The following PAX5 variants were observed in gnomAD, a reference collection of about 807,000 sequenced individuals.
PAX5 encodes the protein paired box 5.
PAX5 carries 9 observed loss-of-function variants against 43.7 expected under a neutral mutation model. The observed-to-expected ratio is 0.21, with a 90% CI of 0.12 to 0.36. The LOEUF (loss-of-function observed/expected upper bound fraction) is 0.36. PAX5 is among the 10% of genes least tolerant of loss of function. The pLI is 1.00. For synonymous variants in PAX5, 228 were observed against 214.3 expected (o/e 1.06, Z -0.56); for missense variants, 383 against 532.7 (o/e 0.72, Z 2.77).
At chr9:36,871,710 G>C (rs1409792939) in intron 8 of PAX5, among the ~76,000 whole-genome samples, 2 of 152,208 alleles carry the variant, frequency 1.3e-5, no homozygotes, top group Admixed American at 1.3e-4. Flanking sequence ...GGTGCAGTTG[G>C]ATCTGGGGCC....
At chr9:36,921,024 G>A (rs995013537) in intron 7 of PAX5, among the ~76,000 whole-genome samples, 2 of 152,090 alleles carry the variant, frequency 1.3e-5, no homozygotes, top group Non-Finnish European at 2.9e-5. Flanking sequence ...TGTTGGCCGG[G>A]CTGGTCTAGA....
intron 8 of PAX5, among the ~76,000 whole-genome samples, chr9:36,854,637 C>T (rs1823480731): frequency 6.6e-6 from 1 of 152,176 alleles, no homozygotes; most frequent in African/African-American, 2.4e-5. Flanking sequence ...CCCTCGCAGG[C>T]CAAGGCTTCT....
At chr9:36,898,256 C>A (rs904098059) in intron 7 of PAX5, among the ~76,000 whole-genome samples, 8 of 152,238 alleles carry the variant, frequency 5.3e-5, no homozygotes, top group African/African-American at 1.9e-4. Context: ...CCAGTGCTTG[C>A]CAGCCCAGCC....
chr9:37,005,104 T>C (rs1838277807), intron 4 of PAX5, among the ~76,000 whole-genome samples: 2 of 152,348 alleles, frequency 1.3e-5, no homozygotes, highest in South Asian at 4.1e-4. Flanking sequence ...CTGAAATAGT[T>C]GGTCAGCTAC....
At chr9:36,913,806 G>A (rs1031949670) in intron 7 of PAX5, among the ~76,000 whole-genome samples, 1 of 152,226 alleles carries the variant, frequency 6.6e-6, no homozygotes, top group Non-Finnish European at 1.5e-5. Flanking sequence ...CCTGGGCCGG[G>A]CTCACCATCC....
At chr9:37,028,074 C>T (rs1840614962) in intron 1 of PAX5, among the ~76,000 whole-genome samples, 1 of 152,198 alleles carries the variant, frequency 6.6e-6, no homozygotes, top group Admixed American at 6.5e-5. Flanking sequence ...GGCTTGAGAG[C>T]AGTCGATTGA....
intron 5 of PAX5, among the ~76,000 whole-genome samples, chr9:36,993,540 C>A (rs1837105834): frequency 6.6e-6 from 1 of 152,090 alleles, no homozygotes; most frequent in Admixed American, 6.5e-5. Flanking sequence ...AAACTGAGGC[C>A]CAGACAGAGA....
intron 6 of PAX5, among the ~76,000 whole-genome samples, chr9:36,943,732 C>A (rs1027168335): frequency 1.3e-5 from 2 of 152,042 alleles, no homozygotes; most frequent in African/African-American, 2.4e-5. Flanking sequence ...GAACCTACAC[C>A]TATAAGCCAT....
intron 2 of PAX5, among the ~76,000 whole-genome samples, chr9:37,017,390 G>C (rs543728095): frequency 6.6e-6 from 1 of 152,272 alleles, no homozygotes; most frequent in East Asian, 1.9e-4. Flanking sequence ...TGCTCTTCCC[G>C]CTACAGCAAG....
chr9:36,895,782 C>T (rs1827810944), intron 7 of PAX5, among the ~76,000 whole-genome samples: 1 of 152,226 alleles, frequency 6.6e-6, no homozygotes, highest in Non-Finnish European at 1.5e-5. Flanking sequence ...CCCTAGCAGT[C>T]TGTGCTCTTA....
chr9:36,861,730 TGGGGAGAGGGGAGAGAAGGCCAGGGA>T (rs1401954380), intron 8 of PAX5, among the ~76,000 whole-genome samples: 3 of 149,478 alleles, frequency 2.0e-5, no homozygotes, highest in Non-Finnish European at 4.4e-5. Context: ...GAAGCCAGGG[TGGGGAGAGGGGAGAGAAGGCCAGGGA>T]GGGAAGTGGG....
intron 8 of PAX5, among the ~76,000 whole-genome samples, chr9:36,878,645 C>G (rs1563923488): frequency 6.6e-6 from 1 of 152,184 alleles, no homozygotes; most frequent in Non-Finnish European, 1.5e-5. Flanking sequence ...TTGAGGCCAA[C>G]CACGGTGAGG....
intron 5 of PAX5, among the ~76,000 whole-genome samples, chr9:36,970,014 A>G (rs1834801500): frequency 6.6e-6 from 1 of 152,238 alleles, no homozygotes; most frequent in East Asian, 1.9e-4. Flanking sequence ...AAGTAAATAT[A>G]TTTTAAAAAT....
At chr9:36,936,161 A>G (rs1831537508) in intron 6 of PAX5, among the ~76,000 whole-genome samples, 1 of 152,248 alleles carries the variant, frequency 6.6e-6, no homozygotes, top group Admixed American at 6.5e-5. Flanking sequence ...TTATCCTGAC[A>G]AGGCTTAGAG....
At chr9:37,027,890 G>C (rs1261627701) in intron 1 of PAX5, among the ~76,000 whole-genome samples, 3 of 152,258 alleles carry the variant, frequency 2.0e-5, no homozygotes, top group African/African-American at 7.2e-5. Flanking sequence ...AGAATGGGGG[G>C]CGGGGCCCAG....
chr9:37,022,298 C>T (rs1008421481), intron 1 of PAX5, among the ~76,000 whole-genome samples: 6 of 152,120 alleles, frequency 3.9e-5, no homozygotes, highest in Non-Finnish European at 8.8e-5. Context: ...AAAACCATTC[C>T]AAATAGGATT....
chr9:37,001,207 C>T (rs562678614), intron 5 of PAX5, among the ~76,000 whole-genome samples: 3 of 152,326 alleles, frequency 2.0e-5, no homozygotes, highest in South Asian at 2.1e-4. Flanking sequence ...GTAAATAATG[C>T]CCCCAGGCCA....
At chr9:36,875,708 T>C (rs1362036053) in intron 8 of PAX5, among the ~76,000 whole-genome samples, 8 of 152,020 alleles carry the variant, frequency 5.3e-5, no homozygotes, top group African/African-American at 1.9e-4. Flanking sequence ...CAGAGCTCTC[T>C]AAGTGAATGG....
In PAX5 at chr9:36,941,500, C is replaced by T. The variant is rs189439807; in HGVS notation, c.781-18016G>A. Among the ~76,000 whole-genome samples the T allele has an allele frequency of 1.2e-4, 19 of 152,250 alleles. No individual in the cohort carries two copies. The East Asian group carries it at 3.3e-3, about 26-fold the overall frequency. On this transcript the variant is annotated intron_variant, in intron 6 of 9. Coordinates refer to ENST00000358127, the MANE Select transcript of PAX5 (RefSeq NM_016734.3). ...GCCGGGCGTGAATCTCCTGTCCTGGCTCCAGCTCATGCCCTGGAGGTCAAG... is the reference window on the plus strand; with the variant it reads ...GCCGGGCGTGAATCTCCTGTCCTGGTTCCAGCTCATGCCCTGGAGGTCAAG...
Sources: allele counts gnomAD v4.1 joint callset (sites outside exome capture counted in the v4.1 genomes callset), GRCh38; gene constraint gnomAD v4.1.1; transcripts MANE v1.5; gene names NCBI Gene and HGNC (gene_info 2026-07-23, HGNC 2026-07-21).